The following MARK2 variants were observed in gnomAD, a reference collection of about 807,000 sequenced individuals.
MARK2 encodes the protein microtubule affinity regulating kinase 2.
A neutral mutation model predicts 89.8 loss-of-function variants in MARK2; 16 were observed. The ratio of observed to expected loss-of-function variants is 0.18; its 90% CI spans 0.12 to 0.27. The LOEUF is 0.27. Ranked by LOEUF, MARK2 falls within the 10% of genes least tolerant of loss-of-function variation. The pLI is 1.00. For missense variants in MARK2, 621 were observed against 1,049.9 expected (o/e 0.59, Z 5.65); for synonymous variants, 382 against 399.5 (o/e 0.96, Z 0.52).
chr11:63,901,303 G>A (rs966581029), intron 11 of MARK2, among the ~76,000 whole-genome samples: 3 of 152,046 alleles, frequency 2.0e-5, no homozygotes, highest in African/African-American at 4.8e-5. Context: ...GTTTCAATAC[G>A]GGTGAGTTGA....
At position 63,877,820 on chromosome 11, in the gene MARK2, G is replaced by A. The variant is rs114137196; in HGVS notation, c.55-17339G>A. ...CCCTTGGAGCAAAATTGTCATTGCC[G>A]CCAGTGAATAAACAGCAGTGGTTGG... is the stretch of plus-strand genomic sequence containing the variant. On this transcript the variant is annotated intron_variant, in intron 1 of 18. Coordinates refer to ENST00000402010, the MANE Select transcript of MARK2 (RefSeq NM_001039469.3). 6.3e-3 allele frequency among the ~76,000 whole-genome samples: 962 copies of A among 152,264 alleles called. 13 individuals carry two copies. Among genetic ancestry groups the A allele is most frequent in the African/African-American group, 0.022 (920 of 41,556 alleles).
At chr11:63,889,579 G>A (rs1397661291) in intron 1 of MARK2, among the ~76,000 whole-genome samples, 8 of 152,256 alleles carry the variant, frequency 5.3e-5, no homozygotes, top group African/African-American at 1.7e-4. Flanking sequence ...CCTAGGCCGA[G>A]TCTGAGATCC....
Position 63,909,248 on chromosome 11 carries a change from G to A in MARK2, c.*11G>A, listed in dbSNP as rs1259823586. 1.8e-5 allele frequency: 28 copies of A among 1,576,746 alleles called. No homozygotes were observed. Among genetic ancestry groups the A allele is most frequent in the Non-Finnish European group, 2.3e-5 (27 of 1,153,040 alleles). Reference sequence around the variant, plus strand: ...GAGCTGAAGCTTTAACAGGCTGCCAGGAGCGGGGGCGGCGGGGGCGGGCCA... The same window carrying A: ...GAGCTGAAGCTTTAACAGGCTGCCAAGAGCGGGGGCGGCGGGGGCGGGCCA... On this transcript the variant is annotated 3_prime_UTR_variant, in exon 19 of 19. Coordinates refer to ENST00000402010, the MANE Select transcript of MARK2 (RefSeq NM_001039469.3).
At chr11:63,842,546 C>CG (rs2016073448) in intron 1 of MARK2, among the ~76,000 whole-genome samples, 2 of 152,136 alleles carry the variant, frequency 1.3e-5, no homozygotes, top group African/African-American at 4.8e-5. Flanking sequence ...AGACAAGCAG[C>CG]AGCTCCTCAG....
intron 1 of MARK2, among the ~76,000 whole-genome samples, chr11:63,868,262 C>T (rs900464699): frequency 6.6e-6 from 1 of 151,770 alleles, no homozygotes; most frequent in Non-Finnish European, 1.5e-5. Flanking sequence ...TGTGGTGGTG[C>T]GGGCCTGTAG....
At position 63,909,338 on chromosome 11, in the gene MARK2, G is replaced by C. The variant is rs1941601811; in HGVS notation, c.*101G>C. ...CGAGACTGCAGCGATGGATTGGTGT[G>C]TCTCCCCTGCTGGCACTTCTCCCCT... On this transcript the variant is annotated 3_prime_UTR_variant, in exon 19 of 19. Transcript: ENST00000402010. 1 of 1,266,066 alleles carries C rather than the reference G, an allele frequency of 7.9e-7. No homozygotes were observed. Among genetic ancestry groups the C allele is most frequent in the Non-Finnish European group, 1.1e-6 (1 of 944,296 alleles). 78.4% of individuals were successfully genotyped at this position (1,266,066 alleles called of 1,614,324 possible). A position where few individuals can be genotyped will look rare whatever the true frequency, so the allele number is the denominator to read the frequency against.
chr11:63,909,264 G>A lies in MARK2; in HGVS notation c.*27G>A, dbSNP rs779507575. 2.6e-6 allele frequency: 4 copies of A among 1,551,380 alleles called. No individual in the cohort carries two copies. The African/African-American group carries it at 5.5e-5, about 21-fold the overall frequency. On this transcript the variant is annotated 3_prime_UTR_variant, in exon 19 of 19. Coordinates refer to ENST00000402010, the MANE Select transcript of MARK2 (RefSeq NM_001039469.3). ...AGGCTGCCAGGAGCGGGGGCGGCGG[G>A]GGCGGGCCAGCTGGACGGGCTGCCG...
intron 1 of MARK2, among the ~76,000 whole-genome samples, chr11:63,878,900 C>T (rs544179023): frequency 1.5e-4 from 23 of 152,304 alleles, no homozygotes; most frequent in African/African-American, 4.8e-4. Flanking sequence ...CCATTTGTAA[C>T]ATGTTTCTAT....
intron 1 of MARK2, among the ~76,000 whole-genome samples, chr11:63,856,337 TAA>T (rs773401360): frequency 1.8e-5 from 1 of 55,006 alleles, no homozygotes. Flanking sequence ...TTTTTTTTTT[TAA>T]ATATATGGCT....
Position 63,904,123 on chromosome 11 carries a change from G to T in MARK2, c.1652G>T (p.Ser551Ile). The T allele has an allele frequency of 6.3e-7, 1 of 1,593,880 alleles. No homozygotes were observed. Among genetic ancestry groups the T allele is most frequent in the Non-Finnish European group, 8.5e-7 (1 of 1,174,908 alleles). ...GCCTCTGGGCTGCCCCCCACGGAGA[G>T]TAACTGTGAGGTGCCGCGGCCCAGG... ...NKASGLPPTE[S>I]NCEVPRPSTA... is the part of the protein sequence containing the mutation. Residue 551 changes from serine (S) to isoleucine (I), a missense_variant, in exon 15 of 19, where the codon AGT becomes ATT. Coordinates refer to ENST00000402010, the MANE Select transcript of MARK2 (RefSeq NM_001039469.3). This position sits in a 1 kb window ranked among gnomAD's most constrained non-coding sequence, Gnocchi z 6.3.
At position 63,903,165 on chromosome 11, in the gene MARK2, G is replaced by C. The variant is rs1463310685; in HGVS notation, c.1514+7G>C. The C allele has an allele frequency of 6.2e-7, 1 of 1,608,918 alleles. No individual in the cohort carries two copies. Among genetic ancestry groups the C allele is most frequent in the African/African-American group, 1.3e-5 (1 of 74,840 alleles). ...TCCAGAATGGCAAAGACAGGTGAGA[G>C]ACCCGGGCCCTGCCTGCCTCACTCC... is the stretch of plus-strand genomic sequence containing the variant. On this transcript the variant is annotated splice_region_variant and intron_variant, in intron 14 of 18. Coordinates refer to ENST00000402010, the MANE Select transcript of MARK2 (RefSeq NM_001039469.3). The surrounding 1 kb of genome is among the most constrained non-coding windows in gnomAD (Gnocchi z 5.1).
chr11:63,909,368 G>T lies in MARK2; in HGVS notation c.*131G>T, dbSNP rs1042134860. On this transcript the variant is annotated 3_prime_UTR_variant, in exon 19 of 19. Transcript: ENST00000402010. ...CCCTGCTGGCACTTCTCCCCTCCCT[G>T]GCCCTTCTCAGTTTTCTCTTACATG... The T allele has an allele frequency of 9.3e-6, 9 of 969,066 alleles. No homozygotes were observed. The African/African-American group carries it at 1.4e-4, about 15-fold the overall frequency. The allele number at this position is 969,066 out of a possible 1,614,324, so 60.0% of individuals were successfully genotyped here.
chr11:63,899,720 C>T (rs1224571720), intron 7 of MARK2, among the ~76,000 whole-genome samples, 154 bp from the exon 8 acceptor site: 1 of 152,184 alleles, frequency 6.6e-6, no homozygotes, highest in Non-Finnish European at 1.5e-5. Flanking sequence ...CCAGCCTATT[C>T]ACGCTGATTG....
At chr11:63,874,027 G>T (rs1268374134) in intron 1 of MARK2, among the ~76,000 whole-genome samples, 1 of 152,260 alleles carries the variant, frequency 6.6e-6, no homozygotes, top group Non-Finnish European at 1.5e-5. Context: ...AGAGCCAGGG[G>T]TCAGCTTTTG....
In MARK2 at chr11:63,900,392, C is replaced by T. The variant is rs1346959142; in HGVS notation, c.769-167C>T. On this transcript the variant is annotated intron_variant, in intron 8 of 18. Coordinates refer to ENST00000402010, the MANE Select transcript of MARK2 (RefSeq NM_001039469.3). This position sits in a 1 kb window ranked among gnomAD's most constrained non-coding sequence, Gnocchi z 4.7. ...AGTTAGAGGGTACGAGGGTATTTGA[C>T]TTCACTTGCCTCTCTGGTGAGGTGT... Among the ~76,000 whole-genome samples the T allele has an allele frequency of 6.6e-6, 1 of 152,206 alleles. No individual in the cohort carries two copies. The highest frequency in any genetic ancestry group is 2.4e-5 in the African/African-American group (1 of 41,450).
intron 3 of MARK2, among the ~76,000 whole-genome samples, chr11:63,897,377 T>C (rs1316446287): frequency 6.6e-6 from 1 of 152,254 alleles, no homozygotes; most frequent in Non-Finnish European, 1.5e-5. Context: ...AGCCTTTTTC[T>C]TCTTTTCCTT....
chr11:63,839,362 G>C lies in MARK2; in HGVS notation c.-145G>C. ...GGCGCATCCCCGGGCTGGCGTGAGC[G>C]GCTGCCCGGCCTCCCCGCACCCCCG... On this transcript the variant is annotated 5_prime_UTR_variant, in exon 1 of 19. Coordinates refer to ENST00000402010, the MANE Select transcript of MARK2 (RefSeq NM_001039469.3). 3 of 553,448 alleles carry C rather than the reference G, an allele frequency of 5.4e-6. No homozygotes were observed. Among genetic ancestry groups the C allele is most frequent in the South Asian group, 2.2e-5 (1 of 44,842 alleles). 34.3% of individuals were successfully genotyped at this position (553,448 alleles called of 1,614,324 possible).
At chr11:63,846,397 C>T (rs189543280) in intron 1 of MARK2, among the ~76,000 whole-genome samples, 173 of 152,052 alleles carry the variant, frequency 1.1e-3, no homozygotes, top group African/African-American at 4.0e-3. Flanking sequence ...GCTCTGTTGC[C>T]CAGGCTGGAG....
intron 1 of MARK2, among the ~76,000 whole-genome samples, chr11:63,882,976 C>T (rs998299727): frequency 6.6e-6 from 1 of 152,220 alleles, no homozygotes; most frequent in African/African-American, 2.4e-5. Flanking sequence ...CCCCACCACC[C>T]CCATCCCCCA....
Sources: gnomAD v4.1 joint callset for allele counts (sites outside exome capture counted in the v4.1 genomes callset) on GRCh38, gnomAD v4.1.1 for gene constraint, Gnocchi (gnomAD v3.1) non-coding constraint, MANE v1.5 for transcripts, NCBI Gene and HGNC (gene_info 2026-07-23, HGNC 2026-07-21) for gene names.